The following PWWP2A variants were observed in gnomAD, a reference collection of about 807,000 sequenced individuals.
PWWP2A encodes the protein PWWP domain-containing protein 2A.
In PWWP2A, 18 loss-of-function variants were observed where a neutral mutation model predicts 48.5. The ratio of observed to expected loss-of-function variants is 0.37; its 90% CI spans 0.26 to 0.55. The LOEUF (loss-of-function observed/expected upper bound fraction) is 0.55, where lower values mean the gene tolerates loss of function less well. Ranked by LOEUF, PWWP2A falls within the 20% of genes least tolerant of loss-of-function variation. PWWP2A has a pLI of 0.81. For synonymous variants in PWWP2A, 396 were observed against 387.7 expected (o/e 1.02, Z -0.25); for missense variants, 867 against 976.4 (o/e 0.89, Z 1.49).
downstream of PWWP2A, among the ~76,000 whole-genome samples, chr5:160,061,411 TCTTC>T (rs1267629436): frequency 6.6e-6 from 1 of 152,268 alleles, no homozygotes; most frequent in Non-Finnish European, 1.5e-5. Context: ...GTATGTCTTT[TCTTC>T]CTTGTCAAAT....
chr5:160,097,754 C>A, intron 1 of PWWP2A, among the ~76,000 whole-genome samples: 1 of 138,654 alleles, frequency 7.2e-6, no homozygotes, highest in East Asian at 2.5e-4. Flanking sequence ...CTCTCACTGT[C>A]GCCCAGGCTG....
downstream of PWWP2A, among the ~76,000 whole-genome samples, chr5:160,060,323 T>A (rs10074960): frequency 0.59 from 89,344 of 151,710 alleles, 26,309 homozygotes; most frequent in East Asian, 0.62. Flanking sequence ...TCAATTGGGT[T>A]ATGGTGATAT....
chr5:160,090,287 T>G (rs957903696), downstream of PWWP2A: 2 of 985,138 alleles, frequency 2.0e-6, no homozygotes, highest in Admixed American at 1.2e-4. Context: ...CAAACTACTG[T>G]TAAAACTCAC....
intron 2 of PWWP2A, among the ~76,000 whole-genome samples, chr5:160,070,488 A>T (rs975952478): frequency 1.3e-5 from 2 of 151,922 alleles, no homozygotes; most frequent in African/African-American, 4.9e-5. Flanking sequence ...GAAAAAAACA[A>T]AAAACAAAAA....
chr5:160,097,578 C>T (rs1020616810), intron 1 of PWWP2A, among the ~76,000 whole-genome samples: 10 of 151,302 alleles, frequency 6.6e-5, no homozygotes, highest in Admixed American at 2.6e-4. Flanking sequence ...CGCAGTGAGC[C>T]GAGATCGCAC....
chr5:160,094,523 TTAA>T (rs1277875010), intron 1 of PWWP2A, among the ~76,000 whole-genome samples: 1 of 152,194 alleles, frequency 6.6e-6, no homozygotes, highest in Non-Finnish European at 1.5e-5. Flanking sequence ...CCAAAACTAC[TTAA>T]TGAGTAAAAT....
At chr5:160,104,122 CAA>C (rs70990703) in intron 1 of PWWP2A, among the ~76,000 whole-genome samples, 1,233 of 61,772 alleles carry the variant, frequency 0.02, 25 homozygotes, top group African/African-American at 0.075. Flanking sequence ...GACTCTGTCT[CAA>C]AAAAAAAAAA....
the PWWP2A span, among the ~76,000 whole-genome samples, chr5:160,045,513 C>CACAT: frequency 1.4e-4 from 7 of 50,328 alleles, no homozygotes; most frequent in Non-Finnish European, 2.3e-4. Flanking sequence ...CACACACACA[C>CACAT]ATACACACTC....
downstream of PWWP2A, chr5:160,091,196 C>T: frequency 1.0e-6 from 1 of 974,162 alleles, no homozygotes; most frequent in Non-Finnish European, 1.2e-6. Flanking sequence ...TTGAAGTTTT[C>T]TTATCTCAGA....
intron 1 of PWWP2A, among the ~76,000 whole-genome samples, chr5:160,112,817 T>C (rs113210799): frequency 0.013 from 1,948 of 152,286 alleles, 47 homozygotes; most frequent in African/African-American, 0.045. Flanking sequence ...CACAATGATT[T>C]GCCCAAAGGC....
the PWWP2A span, chr5:160,049,401 A>G: frequency 3.8e-6 from 4 of 1,065,796 alleles, no homozygotes; most frequent in Non-Finnish European, 5.2e-6. Context: ...ACACTTGGCA[A>G]ATGACTCTTC....
chr5:160,073,923 G>C (rs936839672), downstream of PWWP2A, among the ~76,000 whole-genome samples: 5 of 151,888 alleles, frequency 3.3e-5, no homozygotes, highest in Admixed American at 3.3e-4. Flanking sequence ...AAATTAGCCG[G>C]GCATGGGGGT....
rs569115771 is a variant in PWWP2A at position 160,069,456 on chromosome 5, T to C, written c.*80-2585A>G. On this transcript the variant is annotated intron_variant and NMD_transcript_variant, in intron 2 of 5. Coordinates refer to the PWWP2A transcript ENST00000524050. ...GAGTTTCTGGACCTAGTTACTCAAG[T>C]AAACTTTCTTAGTAGTGTTATTTCG... Among the ~76,000 whole-genome samples, 38 of 152,324 alleles carry C rather than the reference T, an allele frequency of 2.5e-4. No individual in the cohort carries two copies. In the South Asian group the frequency reaches 5.0e-3, roughly 20 times the overall value.
rs548381877 is a variant in PWWP2A, at chr5:160,091,831, T to C, written c.*551A>G. On this transcript the variant is annotated 3_prime_UTR_variant, in exon 2 of 2. Transcript: ENST00000307063. ...TCTAACTTTTACACCATTATGCGCA[T>C]AGAAAGGCTAAGTGTTCATTATTTA... 3 of 956,390 alleles carry C rather than the reference T, an allele frequency of 3.1e-6. No homozygotes were observed. Among genetic ancestry groups the C allele is most frequent in the African/African-American group, 3.5e-5 (2 of 56,424 alleles). 59.2% of individuals were successfully genotyped at this position (956,390 alleles called of 1,614,324 possible).
downstream of PWWP2A, among the ~76,000 whole-genome samples, chr5:160,060,696 G>A (rs1356880858): frequency 2.0e-5 from 3 of 152,166 alleles, no homozygotes; most frequent in Non-Finnish European, 4.4e-5. Context: ...TAAACAGCAG[G>A]CAGAAAAACG....
chr5:160,102,241 T>C (rs955165785), intron 1 of PWWP2A, among the ~76,000 whole-genome samples: 1 of 150,334 alleles, frequency 6.7e-6, no homozygotes, highest in Admixed American at 6.6e-5. Context: ...ATCCCATCTC[T>C]ACTAAAAATA....
chr5:160,047,541 GC>G, the PWWP2A span, among the ~76,000 whole-genome samples: 1 of 152,086 alleles, frequency 6.6e-6, no homozygotes, highest in Non-Finnish European at 1.5e-5. Flanking sequence ...TTTCAGTCTT[GC>G]CCCACCCGCC....
chr5:160,085,192 C>A (rs1259396426), intron 2 of PWWP2A, among the ~76,000 whole-genome samples: 1 of 151,822 alleles, frequency 6.6e-6, no homozygotes, highest in Non-Finnish European at 1.5e-5. Flanking sequence ...CCATGCCCAG[C>A]TAATTTTTGT....
chr5:160,044,763 C>T, the PWWP2A span, among the ~76,000 whole-genome samples: 1 of 152,174 alleles, frequency 6.6e-6, no homozygotes, highest in African/African-American at 2.4e-5. Context: ...CATCCTGTGA[C>T]TAAGAATGCC....
Sources: gnomAD v4.1 joint callset for allele counts (sites outside exome capture counted in the v4.1 genomes callset) on GRCh38, gnomAD v4.1.1 for gene constraint, MANE v1.5 for transcripts, NCBI Gene and HGNC (gene_info 2026-07-23, HGNC 2026-07-21) for gene names.